The following PRKG1 variants were observed in gnomAD, a reference collection of about 807,000 sequenced individuals.
PRKG1 encodes cGMP-dependent protein kinase 1.
PRKG1 carries 35 observed loss-of-function variants against 88.1 expected under a neutral mutation model. The ratio of observed to expected loss-of-function variants is 0.40; its 90% CI spans 0.30 to 0.53. PRKG1 has a LOEUF of 0.53. Ranked by LOEUF, PRKG1 falls within the 20% of genes least tolerant of loss-of-function variation. The pLI is 0.59. For missense variants in PRKG1, 540 were observed against 839.8 expected (o/e 0.64, Z 4.41); for synonymous variants, 303 against 292.5 (o/e 1.04, Z -0.37).
intron 1 of PRKG1, among the ~76,000 whole-genome samples, chr10:51,010,497 T>C (rs907282602): frequency 2.0e-5 from 3 of 152,170 alleles, no homozygotes; most frequent in Non-Finnish European, 1.5e-5. Flanking sequence ...CACACATAAT[T>C]GTGTGTATCT....
intron 1 of PRKG1, among the ~76,000 whole-genome samples, chr10:51,099,738 T>C (rs1272038343): frequency 1.3e-5 from 2 of 152,204 alleles, no homozygotes; most frequent in African/African-American, 2.4e-5. Context: ...CATTAGAATA[T>C]GTTCTTCTCC....
intron 2 of PRKG1, among the ~76,000 whole-genome samples, chr10:51,462,030 C>G (rs1043022098): frequency 4.6e-5 from 7 of 152,214 alleles, no homozygotes. Context: ...CAGCACAGCT[C>G]CACTACCAGA....
At chr10:51,305,899 A>G (rs1384870925) in intron 2 of PRKG1, among the ~76,000 whole-genome samples, 3 of 152,152 alleles carry the variant, frequency 2.0e-5, no homozygotes, top group African/African-American at 7.2e-5. Flanking sequence ...CACACCACAG[A>G]GGAATAAGAG....
chr10:51,825,880 A>T (rs1839869739), intron 4 of PRKG1, among the ~76,000 whole-genome samples: 1 of 152,142 alleles, frequency 6.6e-6, no homozygotes, highest in Non-Finnish European at 1.5e-5. Flanking sequence ...TCCAGATTGA[A>T]GTTCCCAAGT....
intron 9 of PRKG1, among the ~76,000 whole-genome samples, chr10:52,213,912 C>G (rs1589705049): frequency 6.6e-6 from 1 of 152,220 alleles, no homozygotes; most frequent in South Asian, 2.1e-4. Context: ...AATAACACTG[C>G]CTAGAAATCT....
At chr10:52,103,708 C>T (rs931216682) in intron 7 of PRKG1, among the ~76,000 whole-genome samples, 7 of 151,888 alleles carry the variant, frequency 4.6e-5, no homozygotes. Flanking sequence ...ACTCCAACCC[C>T]TGTGTTGTTC....
At chr10:51,211,738 A>G (rs1329016719) in intron 2 of PRKG1, among the ~76,000 whole-genome samples, 1 of 152,206 alleles carries the variant, frequency 6.6e-6, no homozygotes, top group Admixed American at 6.5e-5. Context: ...AGAATAAAAT[A>G]CCTAGGAATC....
chr10:51,536,833 A>T (rs1430810559), intron 3 of PRKG1, among the ~76,000 whole-genome samples: 3 of 125,270 alleles, frequency 2.4e-5, no homozygotes, highest in African/African-American at 9.3e-5. Flanking sequence ...CCAGAATGTG[A>T]TGTTCCCCTT....
At chr10:51,940,320 T>C (rs1390557819) in intron 5 of PRKG1, among the ~76,000 whole-genome samples, 1 of 151,868 alleles carries the variant, frequency 6.6e-6, no homozygotes, top group Non-Finnish European at 1.5e-5. Flanking sequence ...TAATTAGCCC[T>C]CTACTGATGG....
intron 3 of PRKG1, among the ~76,000 whole-genome samples, chr10:51,518,061 C>A (rs1841637716): frequency 6.6e-6 from 1 of 152,184 alleles, no homozygotes; most frequent in South Asian, 2.1e-4. Context: ...TGCAGTGGCG[C>A]CATCTTGGCT....
chr10:51,413,529 T>G (rs931171867), intron 2 of PRKG1, among the ~76,000 whole-genome samples: 3 of 151,970 alleles, frequency 2.0e-5, no homozygotes, highest in African/African-American at 7.3e-5. Context: ...CCAGCTAATT[T>G]TTTGTATCTT....
chr10:51,829,084 A>G, intron 4 of PRKG1, among the ~76,000 whole-genome samples: 1 of 152,138 alleles, frequency 6.6e-6, no homozygotes, highest in African/African-American at 2.4e-5. Context: ...CAACTGGAGA[A>G]GGAGGGTGTG....
chr10:51,811,470 G>T (rs191480168), intron 4 of PRKG1, among the ~76,000 whole-genome samples: 1 of 151,816 alleles, frequency 6.6e-6, no homozygotes. Context: ...AAGTGTAGTC[G>T]GGAGAGAATT....
chr10:52,142,623 G>A (rs1837612514), intron 8 of PRKG1, among the ~76,000 whole-genome samples: 1 of 152,016 alleles, frequency 6.6e-6, no homozygotes, highest in African/African-American at 2.4e-5. Flanking sequence ...TCTTCAAATG[G>A]ATAAGAACCT....
intron 4 of PRKG1, among the ~76,000 whole-genome samples, chr10:51,874,549 T>TA (rs1356240738): frequency 1.3e-5 from 2 of 152,208 alleles, no homozygotes; most frequent in Admixed American, 6.5e-5. Flanking sequence ...GTGCTTTTTT[T>TA]AAAGCACGAA....
intron 4 of PRKG1, among the ~76,000 whole-genome samples, chr10:51,833,248 A>T (rs1048723224): frequency 1.3e-5 from 2 of 152,196 alleles, no homozygotes; most frequent in East Asian, 3.9e-4. Context: ...TGAATTGAGC[A>T]GGACGAGTGA....
At chr10:51,025,872 A>AC (rs1484915256) in intron 1 of PRKG1, among the ~76,000 whole-genome samples, 1 of 152,068 alleles carries the variant, frequency 6.6e-6, no homozygotes, top group Non-Finnish European at 1.5e-5. Flanking sequence ...TGCAGTCCTA[A>AC]CCCCCAGTAC....
intron 5 of PRKG1, among the ~76,000 whole-genome samples, chr10:51,972,796 T>G (rs1344534319): frequency 6.6e-6 from 1 of 152,174 alleles, no homozygotes; most frequent in African/African-American, 2.4e-5. Flanking sequence ...AAAATAAGTA[T>G]CAGAATTACT....
rs1448397604 is a variant in PRKG1 at position 51,642,090 on chromosome 10, T to C, written c.593-162495T>C. Among the ~76,000 whole-genome samples the C allele has an allele frequency of 2.0e-5, 3 of 152,152 alleles. No homozygotes were observed. The East Asian group carries it at 5.8e-4, about 29-fold the overall frequency. On this transcript the variant is annotated intron_variant, in intron 3 of 17. Coordinates refer to ENST00000373980, the MANE Select transcript of PRKG1 (RefSeq NM_006258.4). ...TCATAGAACTTAAAGTTCTACAAAA[T>C]AGAATTTAAAATAGAACTTGGCTGG...
Sources: gnomAD v4.1 joint callset for allele counts (sites outside exome capture counted in the v4.1 genomes callset) on GRCh38, gnomAD v4.1.1 for gene constraint, MANE v1.5 for transcripts, NCBI Gene and HGNC (gene_info 2026-07-23, HGNC 2026-07-21) for gene names.